Variants in GAS2 observed in about 807,000 individuals in gnomAD.
GAS2 encodes the protein growth arrest-specific protein 2.
Under a neutral mutation model 37.5 loss-of-function variants are expected in GAS2, and 20 were observed. The observed-to-expected ratio is 0.53, with a 90% CI of 0.37 to 0.77. GAS2 has a LOEUF of 0.77. Among genes scored for constraint, GAS2 ranks in the 30% least tolerant of loss-of-function variants. The pLI is 0.00. For synonymous variants in GAS2, 144 were observed against 132.2 expected (o/e 1.09, Z -0.61); for missense variants, 336 against 373.4 (o/e 0.90, Z 0.82).
intron 7 of GAS2, among the ~76,000 whole-genome samples, chr11:22,784,202 G>A (rs1855715864): frequency 6.6e-6 from 1 of 152,172 alleles, no homozygotes; most frequent in Admixed American, 6.6e-5. Context: ...TAGGAATAGT[G>A]TTGAATCTGT....
chr11:22,682,252 T>G (rs566408653), intron 2 of GAS2, among the ~76,000 whole-genome samples: 39 of 151,702 alleles, frequency 2.6e-4, no homozygotes, highest in Non-Finnish European at 5.3e-4. Flanking sequence ...AAAGTAAAAA[T>G]CATACTTTTT....
chr11:22,664,796 T>G (rs985666996), upstream of GAS2, among the ~76,000 whole-genome samples: 1 of 152,116 alleles, frequency 6.6e-6, no homozygotes, highest in East Asian at 1.9e-4. Flanking sequence ...TGGGAATTTT[T>G]ACATATGCTA....
At chr11:22,710,464 T>G (rs1408431549) in intron 3 of GAS2, among the ~76,000 whole-genome samples, 2 of 148,672 alleles carry the variant, frequency 1.3e-5, no homozygotes, top group African/African-American at 2.5e-5. Context: ...AAATTCAAGA[T>G]ATATATATAT....
At chr11:22,741,794 T>C (rs1364379517) in intron 5 of GAS2, among the ~76,000 whole-genome samples, 1 of 152,182 alleles carries the variant, frequency 6.6e-6, no homozygotes, top group Non-Finnish European at 1.5e-5. Context: ...TTTAAATTGC[T>C]TTAAAACAGA....
rs536872725 is a variant in GAS2 at position 22,708,765 on chromosome 11, C to T, written c.268-17527C>T. On this transcript the variant is annotated intron_variant, in intron 3 of 7. Transcript: ENST00000454584. ...GTTCCATTCCTCATAAAGCCTACAG[C>T]CTAAAAGGAAAGATAGTTGTTAATC... Among the ~76,000 whole-genome samples the T allele has an allele frequency of 6.6e-5, 10 of 152,162 alleles. No individual in the cohort carries two copies. The South Asian group carries it at 2.1e-3, about 32-fold the overall frequency.
chr11:22,681,529 C>G (rs12787124), intron 2 of GAS2, among the ~76,000 whole-genome samples: 40 of 152,012 alleles, frequency 2.6e-4, no homozygotes, highest in Admixed American at 8.5e-4. Context: ...GGACCAGCAC[C>G]GGTCAGGACT....
intron 3 of GAS2, among the ~76,000 whole-genome samples, chr11:22,691,272 G>T (rs1850235342): frequency 6.6e-6 from 1 of 152,128 alleles, no homozygotes; most frequent in South Asian, 2.1e-4. Context: ...TGCCCATCAG[G>T]AGTACTTGGT....
chr11:22,714,141 A>G (rs1851548183), intron 3 of GAS2, among the ~76,000 whole-genome samples: 1 of 152,192 alleles, frequency 6.6e-6, no homozygotes, highest in East Asian at 1.9e-4. Context: ...CATCTAACAA[A>G]TAAGTACTCA....
At chr11:22,643,229 G>A (rs368463688) in intron 1 of GAS2, among the ~76,000 whole-genome samples, 5 of 152,064 alleles carry the variant, frequency 3.3e-5, no homozygotes, top group East Asian at 1.9e-4. Flanking sequence ...TGAGAGATGA[G>A]TTATTAAAGA....
At chr11:22,790,590 A>ATTTTTTT (rs58284244) in intron 7 of GAS2, among the ~76,000 whole-genome samples, 2 of 111,804 alleles carry the variant, frequency 1.8e-5, no homozygotes, top group South Asian at 3.1e-4. Context: ...CTTCTTCTCT[A>ATTTTTTT]TTTTTTTTTT....
At chr11:22,676,410 C>A (rs1849430803) in intron 2 of GAS2, among the ~76,000 whole-genome samples, 1 of 152,072 alleles carries the variant, frequency 6.6e-6, no homozygotes, top group African/African-American at 2.4e-5. Flanking sequence ...TAGGCAATCA[C>A]AAGTATGGTA....
intron 4 of GAS2, among the ~76,000 whole-genome samples, chr11:22,733,058 A>G (rs1435629307): frequency 6.6e-6 from 1 of 151,576 alleles, no homozygotes; most frequent in African/African-American, 2.4e-5. Context: ...CTCCCATGCC[A>G]TGCCTATACT....
chr11:22,770,323 CAAAT>C (rs1226010278), intron 7 of GAS2, among the ~76,000 whole-genome samples: 1 of 152,034 alleles, frequency 6.6e-6, no homozygotes, highest in Admixed American at 6.6e-5. Flanking sequence ...TTTAAATAAA[CAAAT>C]AAATAAATAG....
chr11:22,740,768 A>G (rs1853030612), intron 5 of GAS2, among the ~76,000 whole-genome samples: 1 of 152,206 alleles, frequency 6.6e-6, no homozygotes, highest in Admixed American at 6.5e-5. Flanking sequence ...TACATACATT[A>G]GACATATATC....
At chr11:22,635,911 T>A (rs1408590699) in intron 1 of GAS2, among the ~76,000 whole-genome samples, 1 of 152,134 alleles carries the variant, frequency 6.6e-6, no homozygotes, top group Non-Finnish European at 1.5e-5. Context: ...CTGGGGCAGG[T>A]TCCCCAATGG....
At chr11:22,638,338 A>G (rs1290014618) in intron 1 of GAS2, among the ~76,000 whole-genome samples, 4 of 151,288 alleles carry the variant, frequency 2.6e-5, no homozygotes, top group Non-Finnish European at 4.4e-5. Flanking sequence ...TTTTGTTGTT[A>G]TTATTACAAT....
chr11:22,691,861 G>A (rs1850260659), intron 3 of GAS2, among the ~76,000 whole-genome samples: 2 of 152,086 alleles, frequency 1.3e-5, no homozygotes, highest in East Asian at 1.9e-4. Context: ...TTATTTCTCA[G>A]TATAAAATTA....
chr11:22,654,853 A>C (rs1021020719), intron 1 of GAS2, among the ~76,000 whole-genome samples: 1 of 152,226 alleles, frequency 6.6e-6, no homozygotes, highest in Non-Finnish European at 1.5e-5. Context: ...CTAAAAGAGC[A>C]TAAAGAGTTA....
intron 7 of GAS2, among the ~76,000 whole-genome samples, chr11:22,768,759 A>G (rs543616603): frequency 4.6e-5 from 7 of 152,306 alleles, no homozygotes; most frequent in Admixed American, 4.6e-4. Context: ...TATTTTTCCT[A>G]AAGTCTGGCT....
Sources: allele counts gnomAD v4.1 joint callset (sites outside exome capture counted in the v4.1 genomes callset), GRCh38; gene constraint gnomAD v4.1.1; transcripts MANE v1.5; gene names NCBI Gene and HGNC (gene_info 2026-07-23, HGNC 2026-07-21).